STAB2: variants seen among roughly 807,000 people sequenced by gnomAD.
STAB2 encodes stabilin-2.
Under a neutral mutation model 338.1 loss-of-function variants are expected in STAB2, and 288 were observed. That is an observed-to-expected ratio of 0.85 (90% CI 0.77 to 0.94). The LOEUF is 0.94. STAB2 is among the 40% of genes least tolerant of loss of function. The pLI is 0.00. For missense variants in STAB2, 3,141 were observed against 3,210.1 expected (o/e 0.98, Z 0.52); for synonymous variants, 1,202 against 1,193.3 (o/e 1.01, Z -0.15).
chr12:103,731,687 T>A (rs1365206803), intron 50 of STAB2, 52 bp downstream of exon 50: 1 of 1,539,560 alleles, frequency 6.5e-7, no homozygotes, highest in Non-Finnish European at 8.9e-7. Context: ...AAAGAAGTTT[T>A]GTTTTGTTTG....
chr12:103,765,753 G>GCTGATCTCGAACTCCGA (rs1884903483), intron 68 of STAB2, among the ~76,000 whole-genome samples: 1 of 152,080 alleles, frequency 6.6e-6, no homozygotes, highest in Non-Finnish European at 1.5e-5. Flanking sequence ...TGTTGCTCAG[G>GCTGATCTCGAACTCCGA]CTGATCTCGA....
chr12:103,668,558 A>G, intron 19 of STAB2, 85 bp from the exon 20 acceptor site: 2 of 1,222,684 alleles, frequency 1.6e-6, no homozygotes, highest in Non-Finnish European at 2.3e-6. Flanking sequence ...TGGAAGTACA[A>G]TGGCAAGTGT....
At position 103,637,181 on chromosome 12, in the gene STAB2, CAAACTGG is replaced by C; in HGVS notation, c.657_663del (p.Lys219AsnfsTer102). 1 of 1,612,936 alleles carries C rather than the reference CAAACTGG, an allele frequency of 6.2e-7. No individual in the cohort carries two copies. Among genetic ancestry groups the C allele is most frequent in the Non-Finnish European group, 8.5e-7 (1 of 1,179,662 alleles). On this transcript the variant is annotated frameshift_variant, in exon 7 of 69. Coordinates refer to ENST00000388887, the MANE Select transcript of STAB2 (RefSeq NM_017564.10). LOFTEE classifies it high-confidence loss of function. Reference sequence around the variant, plus strand: ...GTTCGCCTTCCACTGAAGATGAAAACAAACTGGAATGCAAATGCCTTCCCAATTACCG... The same window carrying C: ...GTTCGCCTTCCACTGAAGATGAAAACAATGCAAATGCCTTCCCAATTACCG...
chr12:103,611,528 T>C (rs1463598508), intron 3 of STAB2, among the ~76,000 whole-genome samples: 1 of 152,194 alleles, frequency 6.6e-6, no homozygotes, highest in Non-Finnish European at 1.5e-5. Flanking sequence ...TTTTTTTGTT[T>C]TCCATTTGCT....
In STAB2 at chr12:103,594,377, C is replaced by T. The variant is rs1223465041; in HGVS notation, c.216-18C>T. On this transcript the variant is annotated intron_variant, in intron 2 of 68. Coordinates refer to ENST00000388887, the MANE Select transcript of STAB2 (RefSeq NM_017564.10). ...ATTGCTCTTATCGTGGGTTAATGTC[C>T]TCTCTTTACCCTCCAAGGTACACCT... The T allele has an allele frequency of 1.2e-6, 2 of 1,600,602 alleles. No individual in the cohort carries two copies. Among genetic ancestry groups the T allele is most frequent in the African/African-American group, 2.7e-5 (2 of 74,570 alleles).
chr12:103,721,091 C>G (rs1329451810), intron 44 of STAB2, among the ~76,000 whole-genome samples: 1 of 151,656 alleles, frequency 6.6e-6, no homozygotes, highest in Non-Finnish European at 1.5e-5. Context: ...GCTTTGCCCT[C>G]ATGAACCTAA....
At chr12:103,743,023 CTTTTTTTT>C (rs34478982) in intron 56 of STAB2, among the ~76,000 whole-genome samples, 2 of 134,730 alleles carry the variant, frequency 1.5e-5, no homozygotes, top group East Asian at 4.3e-4. Context: ...ATTTTTTTTT[CTTTTTTTT>C]TTTTTTTTGA....
At chr12:103,682,920 C>G (rs558342670) in intron 25 of STAB2, among the ~76,000 whole-genome samples, 2 of 151,652 alleles carry the variant, frequency 1.3e-5, no homozygotes, top group Non-Finnish European at 2.9e-5. Flanking sequence ...TGCACTCCAT[C>G]CTGGGCGACA....
At chr12:103,598,181 A>G (rs1474298838) in intron 3 of STAB2, among the ~76,000 whole-genome samples, 1 of 152,224 alleles carries the variant, frequency 6.6e-6, no homozygotes, top group Non-Finnish European at 1.5e-5. Flanking sequence ...AACAAGAGCT[A>G]TAAATGGAAT....
chr12:103,663,985 G>A (rs1874848742), intron 18 of STAB2, among the ~76,000 whole-genome samples: 1 of 152,166 alleles, frequency 6.6e-6, no homozygotes. Flanking sequence ...TTCTCAGGTA[G>A]CTGCTCTAGC....
intron 56 of STAB2, among the ~76,000 whole-genome samples, chr12:103,744,348 C>T (rs1489838718): frequency 6.6e-6 from 1 of 151,906 alleles, no homozygotes; most frequent in African/African-American, 2.4e-5. Flanking sequence ...GATTGAGTCT[C>T]CCTATGTTCC....
At chr12:103,653,713 T>TGGAA (rs1159501669) in intron 12 of STAB2, among the ~76,000 whole-genome samples, 1 of 145,836 alleles carries the variant, frequency 6.9e-6, no homozygotes, top group Non-Finnish European at 1.5e-5. Flanking sequence ...GATGGATAGA[T>TGGAA]GGATGGATGG....
In STAB2 at chr12:103,740,812, G is replaced by A. The variant is rs149710084; in HGVS notation, c.5881+56G>A. The A allele has an allele frequency of 4.5e-4, 685 of 1,509,790 alleles. 3 individuals are homozygous for A. The highest frequency in any genetic ancestry group is 7.0e-4 in the Middle Eastern group (4 of 5,698). The allele number at this position is 1,509,790 out of a possible 1,614,324, so 93.5% of individuals were successfully genotyped here. A position where few individuals can be genotyped will look rare whatever the true frequency, so the allele number is the denominator to read the frequency against. On this transcript the variant is annotated intron_variant, in intron 55 of 68. Coordinates refer to ENST00000388887, the MANE Select transcript of STAB2 (RefSeq NM_017564.10). The stretch of plus-strand genomic sequence containing the variant: ...TAAAAGTGGTAATATGCTCCTGCTC[G>A]TTGTCCAGTCTTTGAATGTACCAAA...
Position 103,672,868 on chromosome 12 carries a change from A to C in STAB2, c.2372-1039A>C, listed in dbSNP as rs1179424812. ...TCATATAATGATCTACGGTGTTTAC[A>C]CAGTCACGAACGGAAATGGACTTTG... On this transcript the variant is annotated intron_variant, in intron 22 of 68. Transcript: ENST00000388887. Among the ~76,000 whole-genome samples the C allele has an allele frequency of 3.3e-5, 5 of 152,246 alleles. No homozygotes were observed. The East Asian group carries it at 9.6e-4, about 29-fold the overall frequency.
intron 59 of STAB2, among the ~76,000 whole-genome samples, chr12:103,749,868 A>AAAG (rs1883463133): frequency 7.3e-6 from 1 of 137,720 alleles, no homozygotes; most frequent in Non-Finnish European, 1.6e-5. Flanking sequence ...AAAAAAAAAA[A>AAAG]AAAAGCTGGT....
intron 59 of STAB2, among the ~76,000 whole-genome samples, chr12:103,749,841 CAAAAAAAAAAAAAAAAAA>C (rs369556936): frequency 3.1e-4 from 16 of 51,154 alleles, no homozygotes; most frequent in South Asian, 1.0e-3. Flanking sequence ...CTCTGTCTCA[CAAAAAAAAAAAAAAAAAA>C]AAAAAAAAAA....
chr12:103,671,598 C>A (rs1875796162), intron 22 of STAB2, among the ~76,000 whole-genome samples: 1 of 152,110 alleles, frequency 6.6e-6, no homozygotes, highest in African/African-American at 2.4e-5. Context: ...ATGAAAATAG[C>A]AAGTGTCTTT....
Position 103,652,578 on chromosome 12 carries a change from AT to A in STAB2, c.1281del (p.Asn427LysfsTer8). 1 of 1,596,420 alleles carries A rather than the reference AT, an allele frequency of 6.3e-7. No homozygotes were observed. The highest frequency in any genetic ancestry group is 8.5e-7 in the Non-Finnish European group (1 of 1,173,692). On this transcript the variant is annotated frameshift_variant, in exon 12 of 69. Transcript: ENST00000388887. LOFTEE classifies it high-confidence loss of function. ...TAGGTAAATGAGCTTTTGGTGGATA[AT>A]AAAGCTGCTCAATACTTTGTGAAAC... ...GFNVNELLVD[N>X]KAAQYFVKLH...
At chr12:103,710,927 C>T (rs1429642088) in intron 39 of STAB2, among the ~76,000 whole-genome samples, 3 of 152,178 alleles carry the variant, frequency 2.0e-5, no homozygotes, top group African/African-American at 7.2e-5. Flanking sequence ...ATAACCTATG[C>T]TGTGTCCAGG....
Sources: gnomAD v4.1 joint callset for allele counts (sites outside exome capture counted in the v4.1 genomes callset) on GRCh38, gnomAD v4.1.1 for gene constraint, MANE v1.5 for transcripts, NCBI Gene and HGNC (gene_info 2026-07-23, HGNC 2026-07-21) for gene names.